ZCCHC24: variants seen among roughly 807,000 people sequenced by gnomAD.
ZCCHC24 encodes the protein zinc finger CCHC-type containing 24.
A neutral mutation model predicts 26.2 loss-of-function variants in ZCCHC24; 10 were observed. The observed-to-expected ratio is 0.38, with a 90% CI of 0.24 to 0.65. ZCCHC24 has a LOEUF of 0.65. Ranked by LOEUF, ZCCHC24 falls within the 30% of genes least tolerant of loss-of-function variation. The probability of loss-of-function intolerance (pLI) is 0.54; values close to 1 mark genes in which losing one functional copy is unlikely to be tolerated. For missense variants in ZCCHC24, 243 were observed against 329.1 expected, an observed-to-expected ratio of 0.74 and a Z score of 2.03; for synonymous variants, 144 against 147.1, an observed-to-expected ratio of 0.98 and a Z score of 0.15.
At chr10:79,441,235 C>T (rs747959538) in intron 1 of ZCCHC24, among the ~76,000 whole-genome samples, 12 of 152,094 alleles carry the variant, frequency 7.9e-5, no homozygotes, top group South Asian at 2.1e-4. Context: ...TCAGGCAGCC[C>T]GTGGGCTTAT....
At chr10:79,418,241 G>A (rs556690376) in intron 2 of ZCCHC24, among the ~76,000 whole-genome samples, 4 of 152,172 alleles carry the variant, frequency 2.6e-5, no homozygotes, top group South Asian at 4.1e-4. Flanking sequence ...CTGTCTGATC[G>A]CCTCTGGATC....
chr10:79,390,834 G>A (rs374603238), intron 3 of ZCCHC24, among the ~76,000 whole-genome samples: 10 of 152,178 alleles, frequency 6.6e-5, no homozygotes, highest in Admixed American at 1.3e-4. Context: ...GTGGGGAAGT[G>A]GGGGGTTCTC....
chr10:79,421,404 G>A (rs1338031246), intron 2 of ZCCHC24, among the ~76,000 whole-genome samples: 1 of 149,698 alleles, frequency 6.7e-6, no homozygotes, highest in African/African-American at 2.5e-5. Context: ...ACAGAATGAT[G>A]CTGTCTGTCC....
chr10:79,430,712 A>ACACACACCCACC (rs1311631405), intron 2 of ZCCHC24, among the ~76,000 whole-genome samples: 1 of 149,012 alleles, frequency 6.7e-6, no homozygotes, highest in Admixed American at 6.7e-5. Flanking sequence ...ACACACACAC[A>ACACACACCCACC]CCCTCTGCTA....
At chr10:79,424,720 C>T (rs1314348876) in intron 2 of ZCCHC24, among the ~76,000 whole-genome samples, 6 of 152,242 alleles carry the variant, frequency 3.9e-5, no homozygotes, top group Non-Finnish European at 7.3e-5. Context: ...CAGCCTGTCA[C>T]ACAAGCCCTT....
chr10:79,418,853 A>T (rs1856901262), intron 2 of ZCCHC24, among the ~76,000 whole-genome samples: 1 of 152,132 alleles, frequency 6.6e-6, no homozygotes. Context: ...TAGGGTTCAG[A>T]GAGGAGAGCT....
At chr10:79,435,660 C>G (rs1015442517) in intron 1 of ZCCHC24, among the ~76,000 whole-genome samples, 2 of 152,234 alleles carry the variant, frequency 1.3e-5, no homozygotes, top group African/African-American at 4.8e-5. Context: ...GTCAGCTGAC[C>G]CTACCTCATT....
chr10:79,441,957 C>T (rs1197058980), intron 1 of ZCCHC24, among the ~76,000 whole-genome samples: 1 of 152,222 alleles, frequency 6.6e-6, no homozygotes, highest in Non-Finnish European at 1.5e-5. Context: ...AAGGAGGTAA[C>T]TCAGCTTTTC....
intron 2 of ZCCHC24, among the ~76,000 whole-genome samples, chr10:79,415,571 C>T (rs1199693582): frequency 6.6e-6 from 1 of 152,114 alleles, no homozygotes; most frequent in Non-Finnish European, 1.5e-5. Context: ...GTACAAATGC[C>T]CTTTGTTCAG....
At chr10:79,430,712 A>ACACACACACACC (rs1311631405) in intron 2 of ZCCHC24, among the ~76,000 whole-genome samples, 5,609 of 148,734 alleles carry the variant, frequency 0.038, 128 homozygotes, top group African/African-American at 0.055. Context: ...ACACACACAC[A>ACACACACACACC]CCCTCTGCTA....
At chr10:79,418,621 G>A (rs113552936) in intron 2 of ZCCHC24, among the ~76,000 whole-genome samples, 7 of 152,230 alleles carry the variant, frequency 4.6e-5, no homozygotes, top group Non-Finnish European at 7.3e-5. Flanking sequence ...CCATAGCACA[G>A]GTGGAGTGGG....
At chr10:79,408,718 G>A (rs1412439934) in intron 2 of ZCCHC24, among the ~76,000 whole-genome samples, 5 of 152,134 alleles carry the variant, frequency 3.3e-5, no homozygotes, top group Non-Finnish European at 4.4e-5. Flanking sequence ...CATACAGAAG[G>A]TCTGTTCAGG....
chr10:79,427,264 T>G (rs182785077), intron 2 of ZCCHC24, among the ~76,000 whole-genome samples: 25 of 152,194 alleles, frequency 1.6e-4, no homozygotes, highest in Admixed American at 1.4e-3. Context: ...TATCCCCACT[T>G]AAAATAATAA....
chr10:79,445,033 C>A (rs1257520271), intron 1 of ZCCHC24, among the ~76,000 whole-genome samples, 162 bp downstream of exon 1: 1 of 152,140 alleles, frequency 6.6e-6, no homozygotes, highest in Non-Finnish European at 1.5e-5. Context: ...GGACTTCGGG[C>A]GGCGAGTTTG....
chr10:79,439,792 C>CAA (rs3997794), intron 1 of ZCCHC24, among the ~76,000 whole-genome samples: 10,067 of 116,018 alleles, frequency 0.087, 529 homozygotes, highest in South Asian at 0.17. Flanking sequence ...CAGACTCCAT[C>CAA]AAAAAAAAAA....
intron 2 of ZCCHC24, among the ~76,000 whole-genome samples, chr10:79,428,506 C>T: frequency 8.4e-6 from 1 of 118,654 alleles, no homozygotes. Context: ...AGCTCTGTGG[C>T]TGGAAGGTGG....
In ZCCHC24 at chr10:79,425,273, G is replaced by A. The variant is rs201678524; in HGVS notation, c.447+7285C>T. On this transcript the variant is annotated intron_variant, in intron 2 of 3. Coordinates refer to ENST00000372336, the MANE Select transcript of ZCCHC24 (RefSeq NM_153367.4). ...AGGCCCAGCAGATATCAACCATGCC[G>A]CCCTGCAGTCACTGGGTTTTCTGTT... 7.9e-5 allele frequency among the ~76,000 whole-genome samples: 12 copies of A among 152,270 alleles called. No individual in the cohort carries two copies. In the East Asian group the frequency reaches 1.2e-3, roughly 15 times the overall value.
At chr10:79,396,763 C>T (rs1415702579) in intron 2 of ZCCHC24, among the ~76,000 whole-genome samples, 2 of 152,178 alleles carry the variant, frequency 1.3e-5, no homozygotes, top group African/African-American at 2.4e-5. Flanking sequence ...AGTAACTTTC[C>T]TTGGGGAACT....
At position 79,392,529 on chromosome 10, in the gene ZCCHC24, T is replaced by C. The variant is rs1331326509; in HGVS notation, c.612+1747A>G. On this transcript the variant is annotated intron_variant, in intron 3 of 3. Transcript: ENST00000372336. ...CATCCCCCGTTTTGCCCCTGCACCA[T>C]CAGCCCTTTGCTGTCTTCTAGATCA... Among the ~76,000 whole-genome samples the C allele has an allele frequency of 2.6e-5, 4 of 152,354 alleles. 1 individual carries two copies. The highest frequency in any genetic ancestry group is 2.6e-4 in the Admixed American group (4 of 15,306).
Sources: gnomAD v4.1 joint callset for allele counts (sites outside exome capture counted in the v4.1 genomes callset) on GRCh38, gnomAD v4.1.1 for gene constraint, MANE v1.5 for transcripts, NCBI Gene and HGNC (gene_info 2026-07-23, HGNC 2026-07-21) for gene names.